NEBL: variants seen among roughly 807,000 people sequenced by gnomAD.
NEBL encodes the protein LIM and SH3 protein 2.
NEBL carries 122 observed loss-of-function variants against 140.2 expected under a neutral mutation model. That is an observed-to-expected ratio of 0.87 (90% CI 0.75 to 1.01). NEBL has a LOEUF of 1.01. Ranked by LOEUF, NEBL falls within the 50% of genes least tolerant of loss-of-function variation. NEBL has a pLI of 0.00. For synonymous variants in NEBL, 436 were observed against 398.9 expected (o/e 1.09, Z -1.11); for missense variants, 1,365 against 1,231.3 (o/e 1.11, Z -1.62).
intron 3 of NEBL, among the ~76,000 whole-genome samples, chr10:20,987,701 T>A (rs1203873210): frequency 6.6e-6 from 1 of 152,208 alleles, no homozygotes; most frequent in African/African-American, 2.4e-5. Flanking sequence ...CTTTAGAGCA[T>A]AAGACCAAGG....
chr10:20,970,635 C>T (rs1368169731), intron 3 of NEBL, among the ~76,000 whole-genome samples: 2 of 151,248 alleles, frequency 1.3e-5, no homozygotes, highest in South Asian at 2.1e-4. Context: ...GAAAACAGAG[C>T]GAGACCTCAT....
intron 19 of NEBL, among the ~76,000 whole-genome samples, chr10:20,822,761 A>G (rs1839464762): frequency 1.3e-5 from 2 of 152,218 alleles, no homozygotes; most frequent in African/African-American, 4.8e-5. Flanking sequence ...AAATATCAAT[A>G]TATGTTTCTG....
intron 2 of NEBL, among the ~76,000 whole-genome samples, chr10:21,152,056 T>G (rs1460998876): frequency 6.6e-6 from 1 of 152,098 alleles, no homozygotes; most frequent in Non-Finnish European, 1.5e-5. Flanking sequence ...AATGAACAAA[T>G]GAATTCCATC....
chr10:21,284,036 T>A (rs1344250196), intron 1 of NEBL, among the ~76,000 whole-genome samples: 21 of 67,584 alleles, frequency 3.1e-4, no homozygotes, highest in Admixed American at 3.7e-4. Context: ...TAATCTGCAC[T>A]AAAAAAAAAA....
intron 2 of NEBL, among the ~76,000 whole-genome samples, chr10:21,143,922 T>C (rs1404631283): frequency 2.0e-5 from 3 of 151,994 alleles, no homozygotes; most frequent in Admixed American, 6.5e-5. Context: ...TCAAGTTTAC[T>C]CTTTTACACA....
chr10:21,030,472 G>A, intron 2 of NEBL: 1 of 742,658 alleles, frequency 1.3e-6, no homozygotes. Flanking sequence ...AAACTGATCA[G>A]CCCCAAAAGG....
chr10:21,005,195 TC>T (rs1838085640), intron 3 of NEBL, among the ~76,000 whole-genome samples: 1 of 152,158 alleles, frequency 6.6e-6, no homozygotes, highest in Non-Finnish European at 1.5e-5. Flanking sequence ...ACACCTTAGT[TC>T]TTTAAGGAGC....
chr10:21,062,844 G>T (rs1226974656), intron 2 of NEBL, among the ~76,000 whole-genome samples: 3 of 152,094 alleles, frequency 2.0e-5, no homozygotes, highest in Non-Finnish European at 4.4e-5. Context: ...AGGTAACAAT[G>T]CTGTGATATC....
At chr10:20,920,374 A>G (rs1473384074) in intron 4 of NEBL, among the ~76,000 whole-genome samples, 1 of 152,238 alleles carries the variant, frequency 6.6e-6, no homozygotes, top group Non-Finnish European at 1.5e-5. Flanking sequence ...TAGCAATAGC[A>G]AAAGACTGGA....
At chr10:20,877,224 T>C (rs1845585332) in intron 5 of NEBL, among the ~76,000 whole-genome samples, 1 of 152,226 alleles carries the variant, frequency 6.6e-6, no homozygotes, top group African/African-American at 2.4e-5. Context: ...TTTCATTTAA[T>C]ACTTGTGAGA....
chr10:21,169,508 C>T (rs1351346825), intron 2 of NEBL, among the ~76,000 whole-genome samples: 1 of 152,124 alleles, frequency 6.6e-6, no homozygotes, highest in Non-Finnish European at 1.5e-5. Context: ...CCCCAGAGGG[C>T]AATCCATACT....
chr10:21,122,002 G>GGTTGTT (rs147160117), intron 2 of NEBL, among the ~76,000 whole-genome samples: 28,338 of 149,460 alleles, frequency 0.19, 2,820 homozygotes, highest in East Asian at 0.3. Flanking sequence ...GATTTCTCCT[G>GGTTGTT]GTTGTTGTTG....
exon 1 of NEBL, chr10:21,174,179 C>T: frequency 5.3e-6 from 2 of 377,710 alleles, no homozygotes; most frequent in Non-Finnish European, 7.4e-6. Context: ...GCCGCCGCCG[C>T]CGCGCAGGCC....
intron 2 of NEBL, chr10:21,030,732 GA>G: frequency 2.2e-6 from 1 of 451,896 alleles, no homozygotes. Flanking sequence ...AAGACCACTG[GA>G]AGGAGTCAGA....
intron 2 of NEBL, among the ~76,000 whole-genome samples, chr10:21,101,724 C>A (rs1206801988): frequency 6.6e-6 from 1 of 152,144 alleles, no homozygotes; most frequent in Admixed American, 6.5e-5. Context: ...CTCTTCCAGA[C>A]CCAAGGAGTG....
rs199936271 is a variant in NEBL at position 20,897,146 on chromosome 10, T to C, written c.60A>G (p.Glu20=). 1 of 1,605,350 alleles carries C rather than the reference T, an allele frequency of 6.2e-7. No homozygotes were observed. The highest frequency in any genetic ancestry group is 8.5e-7 in the Non-Finnish European group (1 of 1,172,020). Residue 20 remains glutamate, a synonymous_variant, in exon 1 of 28, where the codon GAA becomes GAG. Coordinates refer to ENST00000377122, the MANE Select transcript of NEBL (RefSeq NM_006393.3). ...TCACCTGGTCTTCTTCATTTTCTTC[T>C]TCCCCTATCTTTTCTTCTTCAGTTT... ...KDETEEEKIG[E]EENEEDQVFY...
At chr10:21,018,415 G>A (rs1217903705) in intron 3 of NEBL, among the ~76,000 whole-genome samples, 1 of 152,140 alleles carries the variant, frequency 6.6e-6, no homozygotes. Flanking sequence ...ACCCCTGGGG[G>A]TGTGAATGAA....
chr10:20,913,868 G>A (rs745443387), intron 4 of NEBL, among the ~76,000 whole-genome samples: 1 of 152,114 alleles, frequency 6.6e-6, no homozygotes, highest in African/African-American at 2.4e-5. Flanking sequence ...AGCCATTTAT[G>A]TTCAAAAACT....
chr10:21,087,186 C>T (rs1305580464), intron 2 of NEBL, among the ~76,000 whole-genome samples: 2 of 152,182 alleles, frequency 1.3e-5, no homozygotes, highest in Non-Finnish European at 2.9e-5. Flanking sequence ...GTCTCCTCCC[C>T]AGACCCCCCA....
Sources: gnomAD v4.1 joint callset for allele counts (sites outside exome capture counted in the v4.1 genomes callset) on GRCh38, gnomAD v4.1.1 for gene constraint, MANE v1.5 for transcripts, NCBI Gene and HGNC (gene_info 2026-07-23, HGNC 2026-07-21) for gene names.